Variants in SLC75A1 observed in about 807,000 individuals in gnomAD.
The protein encoded by SLC75A1 is major facilitator superfamily domain containing 10.
chr4:2,931,602 A>AGGCAC, the SLC75A1 span: 1 of 1,613,536 alleles, frequency 6.2e-7, no homozygotes, highest in Admixed American at 1.7e-5. Context: ...CGCCGGGCAT[A>AGGCAC]GGCACCCTGG....
At chr4:2,933,251 T>G in the SLC75A1 span, 2 of 1,582,156 alleles carry the variant, frequency 1.3e-6, no homozygotes, top group South Asian at 1.1e-5. Context: ...CCTGGCACCA[T>G]GAGCTGTGGT....
At chr4:2,930,579 G>C in the SLC75A1 span, 2 of 556,972 alleles carry the variant, frequency 3.6e-6, no homozygotes, top group African/African-American at 3.8e-5. Flanking sequence ...AAACAAACAG[G>C]TGCTTTATTT....
the SLC75A1 span, chr4:2,930,739 C>T: frequency 1.5e-6 from 2 of 1,370,808 alleles, no homozygotes; most frequent in Admixed American, 2.4e-5. Flanking sequence ...CCCACAGGGT[C>T]TCCCTGGACT....
chr4:2,933,851 C>G, the SLC75A1 span: 2 of 1,588,132 alleles, frequency 1.3e-6, no homozygotes, highest in Non-Finnish European at 1.7e-6. Flanking sequence ...ACAACGGTGA[C>G]CACGCGGCGC....
At chr4:2,933,622 A>G in the SLC75A1 span, 1 of 1,613,786 alleles carries the variant, frequency 6.2e-7, no homozygotes, top group Non-Finnish European at 8.5e-7. Context: ...TGGCGGTGGC[A>G]AACCAGTCCA....
At chr4:2,932,714 G>A in the SLC75A1 span, 1 of 1,599,794 alleles carries the variant, frequency 6.3e-7, no homozygotes, top group Non-Finnish European at 8.5e-7. Context: ...AGGCCGCAAA[G>A]CTCCGAGAGG....
At chr4:2,932,372 C>T in the SLC75A1 span, 2 of 1,613,374 alleles carry the variant, frequency 1.2e-6, no homozygotes, top group Non-Finnish European at 1.7e-6. Context: ...GGGGCAGCGT[C>T]TCTGGCAGGA....
chr4:2,930,805 C>T, the SLC75A1 span: 1 of 1,609,860 alleles, frequency 6.2e-7, no homozygotes, highest in Non-Finnish European at 8.5e-7. Context: ...TCCCACTCTG[C>T]CTGGTGCCCA....
the SLC75A1 span, chr4:2,931,854 G>T: frequency 6.2e-7 from 1 of 1,608,740 alleles, no homozygotes; most frequent in African/African-American, 1.3e-5. Flanking sequence ...GGTGTGTGAG[G>T]AAGCTCAGCG....
the SLC75A1 span, chr4:2,932,204 C>CCG: frequency 6.4e-7 from 1 of 1,562,458 alleles, no homozygotes; most frequent in South Asian, 1.2e-5. Flanking sequence ...GGCCTGGCAA[C>CCG]CCACGGACTG....
At chr4:2,933,992 G>A in the SLC75A1 span, 1,039 of 1,484,646 alleles carry the variant, frequency 7.0e-4, 5 homozygotes, top group Middle Eastern at 5.0e-3. Context: ...CGAGTCCTCC[G>A]GGGCCTGGCA....
At chr4:2,931,740 A>G in the SLC75A1 span, 1 of 1,548,114 alleles carries the variant, frequency 6.5e-7, no homozygotes, top group Non-Finnish European at 8.8e-7. Context: ...GTGGCTGCCA[A>G]GGCTTCCTGG....
the SLC75A1 span, chr4:2,932,811 G>C: frequency 6.6e-7 from 1 of 1,522,734 alleles, no homozygotes; most frequent in Non-Finnish European, 8.8e-7. Flanking sequence ...GGCCAGGAGT[G>C]GCTCAGAGTA....
the SLC75A1 span, chr4:2,931,060 C>A: frequency 2.5e-6 from 4 of 1,605,818 alleles, no homozygotes; most frequent in Non-Finnish European, 3.4e-6. Context: ...CGCGCCCTCA[C>A]CTGAAGCGGC....
At chr4:2,931,811 A>C in the SLC75A1 span, 25 of 1,587,382 alleles carry the variant, frequency 1.6e-5, no homozygotes, top group East Asian at 5.0e-4. Flanking sequence ...GGCCGTCGCC[A>C]GATGGGGACC....
At chr4:2,931,960 A>C in the SLC75A1 span, 12 of 1,602,514 alleles carry the variant, frequency 7.5e-6, no homozygotes, top group African/African-American at 1.6e-4. Flanking sequence ...GCGCGTGCTG[A>C]GAAGGCGACC....
the SLC75A1 span, chr4:2,932,186 C>G: frequency 6.3e-7 from 1 of 1,577,348 alleles, no homozygotes; most frequent in African/African-American, 1.3e-5. Flanking sequence ...CCTGCAGGAG[C>G]GGCTGCTGGC....
the SLC75A1 span, chr4:2,932,066 G>A: frequency 1.9e-6 from 3 of 1,611,040 alleles, no homozygotes; most frequent in Non-Finnish European, 2.5e-6. Context: ...GGTGGGTCCT[G>A]GCCACGAGCG....
At chr4:2,931,116 T>C in the SLC75A1 span, 1 of 1,585,992 alleles carries the variant, frequency 6.3e-7, no homozygotes, top group Non-Finnish European at 8.6e-7. Context: ...GGCTGCGCAG[T>C]GTACCCATGA....
Sources: allele counts gnomAD v4.1 joint callset, GRCh38; gene constraint gnomAD v4.1.1; transcripts MANE v1.5; gene names NCBI Gene and HGNC (gene_info 2026-07-23, HGNC 2026-07-21).